SCAMP1: variants seen among roughly 807,000 people sequenced by gnomAD.
SCAMP1 encodes the protein secretory carrier membrane protein 1, also known as secretory carrier-associated membrane protein 1.
SCAMP1 carries 15 observed loss-of-function variants against 41.8 expected under a neutral mutation model. The observed-to-expected ratio is 0.36, with a 90% confidence interval of 0.24 to 0.55. The LOEUF is 0.55. SCAMP1 is among the 20% of genes least tolerant of loss of function. SCAMP1 has a pLI of 0.86. For missense variants in SCAMP1, 341 were observed against 412.6 expected (o/e 0.83, Z 1.50); for synonymous variants, 135 against 136.8 (o/e 0.99, Z 0.09).
intron 8 of SCAMP1, among the ~76,000 whole-genome samples, chr5:78,464,632 G>C (rs965556231): frequency 6.6e-6 from 1 of 151,422 alleles, no homozygotes; most frequent in Non-Finnish European, 1.5e-5. Context: ...TCTGGGATTG[G>C]GAACGGCATT....
rs5868918 is a variant in SCAMP1 at position 78,361,233 on chromosome 5, T to TAA, written c.57+515_57+516dup. On this transcript the variant is annotated intron_variant, in intron 1 of 8. Coordinates refer to ENST00000621999, the MANE Select transcript of SCAMP1 (RefSeq NM_004866.6). ...GTGAGGGCACCGAGTATGCTGCAAT[T>TAA]AAAAAAAAAAAGGTTATGTTTTTAT... Among the ~76,000 whole-genome samples, 219 of 147,602 alleles carry TAA rather than the reference T, an allele frequency of 1.5e-3. 1 individual carries two copies. The highest frequency in any genetic ancestry group is 4.5e-3 in the African/African-American group (182 of 40,230).
In SCAMP1 at chr5:78,394,512, C is replaced by G. The variant is rs189741651; in HGVS notation, c.135+5598C>G. The stretch of plus-strand genomic sequence containing the variant: ...TGGATTACAGGCATGAACCACCATG[C>G]CTAGCTGAGTTAAATAATTTAGTAT... On this transcript the variant is annotated intron_variant, in intron 2 of 8. Transcript: ENST00000621999. Among the ~76,000 whole-genome samples, 17 of 152,184 alleles carry G rather than the reference C, an allele frequency of 1.1e-4. No homozygotes were observed. In the East Asian group the frequency reaches 1.2e-3, roughly 10 times the overall value.
chr5:78,391,068 G>C (rs1751480075), intron 2 of SCAMP1, among the ~76,000 whole-genome samples: 1 of 150,036 alleles, frequency 6.7e-6, no homozygotes. Flanking sequence ...ACACAGACAT[G>C]GCAACCATCC....
At chr5:78,380,185 T>A (rs1751165382) in intron 1 of SCAMP1, among the ~76,000 whole-genome samples, 1 of 152,228 alleles carries the variant, frequency 6.6e-6, no homozygotes, top group African/African-American at 2.4e-5. Flanking sequence ...TCATGTAGAT[T>A]GTCATGGTTT....
At chr5:78,465,311 A>G (rs1225340531) in intron 8 of SCAMP1, among the ~76,000 whole-genome samples, 3 of 152,304 alleles carry the variant, frequency 2.0e-5, no homozygotes, top group South Asian at 4.2e-4. Flanking sequence ...TTGGAACCAT[A>G]CAACTCAGGT....
Position 78,390,772 on chromosome 5 carries a change from T to A in SCAMP1, c.135+1858T>A, listed in dbSNP as rs1751469473. ...AGATAAACAAGTGAACAAAGGTCTCTGGTTTTCCTAGGCAGAGGACCCTGC... is the reference window on the plus strand; with the variant it reads ...AGATAAACAAGTGAACAAAGGTCTCAGGTTTTCCTAGGCAGAGGACCCTGC... On this transcript the variant is annotated intron_variant, in intron 2 of 8. Transcript: ENST00000621999. 2.0e-5 allele frequency among the ~76,000 whole-genome samples: 3 copies of A among 150,798 alleles called. No individual in the cohort carries two copies. The South Asian group carries it at 6.3e-4, about 32-fold the overall frequency.
chr5:78,460,796 CCTTCCTTCCTCCCTT>C (rs1753577567), intron 8 of SCAMP1, among the ~76,000 whole-genome samples: 1 of 35,666 alleles, frequency 2.8e-5, no homozygotes, highest in Non-Finnish European at 5.8e-5. Flanking sequence ...TTCCTTCCTT[CCTTCCTTCCTCCCTT>C]CCTTCCTTCC....
intron 2 of SCAMP1, among the ~76,000 whole-genome samples, chr5:78,395,957 A>C (rs1158561156): frequency 2.0e-5 from 3 of 152,252 alleles, no homozygotes; most frequent in Admixed American, 2.0e-4. Flanking sequence ...AGATGTGAAC[A>C]TCAAGAGGTA....
At chr5:78,433,345 T>C (rs912074812) in intron 6 of SCAMP1, among the ~76,000 whole-genome samples, 14 of 152,126 alleles carry the variant, frequency 9.2e-5, no homozygotes, top group Non-Finnish European at 1.9e-4. Context: ...CGGTAGAGAC[T>C]GAAATAAATA....
chr5:78,414,727 A>C (rs1041909875), intron 2 of SCAMP1, among the ~76,000 whole-genome samples: 2 of 152,166 alleles, frequency 1.3e-5, no homozygotes, highest in Non-Finnish European at 2.9e-5. Flanking sequence ...TGCAGCTTTC[A>C]GACACTACTG....
rs752258321 is a variant in SCAMP1, at chr5:78,480,141, C to CT, written c.*4476dup. Among the ~76,000 whole-genome samples, 1 of 152,014 alleles carries CT rather than the reference C, an allele frequency of 6.6e-6. No homozygotes were observed. The highest frequency in any genetic ancestry group is 2.4e-5 in the African/African-American group (1 of 41,374). ...ATGTGGCAATGTAGTGAGTGTTAAACTTTGTGTTTGTCCAAATCCTGATTT... is the reference window on the plus strand; with the variant it reads ...ATGTGGCAATGTAGTGAGTGTTAAACTTTTGTGTTTGTCCAAATCCTGATTT... On this transcript the variant is annotated 3_prime_UTR_variant, in exon 9 of 9. Coordinates refer to ENST00000621999, the MANE Select transcript of SCAMP1 (RefSeq NM_004866.6).
At chr5:78,412,635 T>C (rs1057220399) in intron 2 of SCAMP1, among the ~76,000 whole-genome samples, 1 of 152,188 alleles carries the variant, frequency 6.6e-6, no homozygotes, top group African/African-American at 2.4e-5. Context: ...TGAAATGATA[T>C]ATGATTGTTT....
chr5:78,445,141 G>A (rs984101085), intron 6 of SCAMP1, among the ~76,000 whole-genome samples: 1 of 152,084 alleles, frequency 6.6e-6, no homozygotes, highest in Admixed American at 6.6e-5. Context: ...AATATCTCTG[G>A]TATTGATTTG....
chr5:78,432,294 G>A (rs1229268458), intron 6 of SCAMP1, among the ~76,000 whole-genome samples: 2 of 152,186 alleles, frequency 1.3e-5, no homozygotes, highest in Non-Finnish European at 2.9e-5. Flanking sequence ...TCATTTGTGT[G>A]TGTGGGTGTA....
chr5:78,470,032 G>C (rs543734977), intron 8 of SCAMP1, among the ~76,000 whole-genome samples: 1 of 149,304 alleles, frequency 6.7e-6, no homozygotes, highest in East Asian at 2.0e-4. Context: ...TGAGGCTGCA[G>C]TGAGCTATGA....
chr5:78,445,293 A>C (rs946414503), intron 6 of SCAMP1, among the ~76,000 whole-genome samples: 2 of 152,258 alleles, frequency 1.3e-5, no homozygotes, highest in African/African-American at 4.8e-5. Flanking sequence ...TGCTTATTTG[A>C]AATTCAGTTT....
intron 8 of SCAMP1, among the ~76,000 whole-genome samples, chr5:78,470,739 A>G (rs1753866936): frequency 6.6e-6 from 1 of 152,120 alleles, no homozygotes; most frequent in Non-Finnish European, 1.5e-5. Context: ...GGCACCTCCA[A>G]ACTCTTTTCT....
intron 1 of SCAMP1, among the ~76,000 whole-genome samples, chr5:78,368,448 A>T (rs562101373): frequency 6.6e-6 from 1 of 152,328 alleles, no homozygotes; most frequent in South Asian, 2.1e-4. Context: ...TTAATATTTA[A>T]TAGTGATAAA....
Position 78,475,756 on chromosome 5 carries a change from A to C in SCAMP1, c.*88A>C, listed in dbSNP as rs1753989304. On this transcript the variant is annotated 3_prime_UTR_variant, in exon 9 of 9. Coordinates refer to ENST00000621999, the MANE Select transcript of SCAMP1 (RefSeq NM_004866.6). ...ACAAATATTTTTATGTTCAAAACACACAGTACAGACAGCATGGATATTTCC... is the reference window on the plus strand; with the variant it reads ...ACAAATATTTTTATGTTCAAAACACCCAGTACAGACAGCATGGATATTTCC... 2.0e-6 allele frequency: 2 copies of C among 992,562 alleles called. No homozygotes were observed. Among genetic ancestry groups the C allele is most frequent in the African/African-American group, 1.7e-5 (1 of 60,358 alleles). 61.5% of individuals were successfully genotyped at this position (992,562 alleles called of 1,614,324 possible).
Sources: gnomAD v4.1 joint callset for allele counts (sites outside exome capture counted in the v4.1 genomes callset) on GRCh38, gnomAD v4.1.1 for gene constraint, MANE v1.5 for transcripts, NCBI Gene and HGNC (gene_info 2026-07-23, HGNC 2026-07-21) for gene names.